MAF: variants seen among roughly 807,000 people sequenced by gnomAD.
MAF encodes transcription factor Maf.
Under a neutral mutation model 22.0 loss-of-function variants are expected in MAF, and 10 were observed. The observed-to-expected ratio is 0.45, with a 90% CI of 0.28 to 0.77. MAF has a LOEUF of 0.77. Among genes scored for constraint, MAF ranks in the 30% least tolerant of loss-of-function variants. MAF has a pLI of 0.12. For missense variants in MAF, 544 were observed against 548.4 expected, an observed-to-expected ratio of 0.99 and a Z score of 0.08; for synonymous variants, 337 against 255.8, an observed-to-expected ratio of 1.32 and a Z score of -3.03.
chr16:79,562,266 C>T, the MAF span, among the ~76,000 whole-genome samples: 1 of 152,196 alleles, frequency 6.6e-6, no homozygotes, highest in Admixed American at 6.5e-5. Context: ...CTCATCTACA[C>T]CAACGAATTG....
the MAF span, among the ~76,000 whole-genome samples, chr16:79,411,797 T>C: frequency 1.3e-5 from 2 of 152,230 alleles, no homozygotes; most frequent in Non-Finnish European, 2.9e-5. Context: ...CACAGAGCTA[T>C]TCCTCTTCCA....
chr16:79,436,154 C>T, the MAF span, among the ~76,000 whole-genome samples: 2 of 152,176 alleles, frequency 1.3e-5, no homozygotes, highest in Non-Finnish European at 2.9e-5. Flanking sequence ...ATGATCTCGG[C>T]TCACTGCAAC....
chr16:79,436,074 T>C, the MAF span, among the ~76,000 whole-genome samples: 1 of 152,188 alleles, frequency 6.6e-6, no homozygotes, highest in Non-Finnish European at 1.5e-5. Flanking sequence ...GAAATGAGAT[T>C]CATTTATTTT....
At chr16:79,428,741 A>G in the MAF span, among the ~76,000 whole-genome samples, 1 of 152,034 alleles carries the variant, frequency 6.6e-6, no homozygotes, top group East Asian at 1.9e-4. Flanking sequence ...GCTACTTGGG[A>G]GGCTGAGGTG....
At chr16:79,315,386 G>A in the MAF span, among the ~76,000 whole-genome samples, 1 of 152,106 alleles carries the variant, frequency 6.6e-6, no homozygotes, top group African/African-American at 2.4e-5. Flanking sequence ...AATGCTAAGA[G>A]AAACTAACAT....
chr16:79,519,171 G>C, the MAF span, among the ~76,000 whole-genome samples: 4 of 152,114 alleles, frequency 2.6e-5, no homozygotes, highest in African/African-American at 9.7e-5. Flanking sequence ...TGTACATGGA[G>C]AACCACAGAG....
At chr16:79,357,791 C>T in the MAF span, among the ~76,000 whole-genome samples, 1 of 152,066 alleles carries the variant, frequency 6.6e-6, no homozygotes, top group Admixed American at 6.6e-5. Flanking sequence ...CACAAAAGAT[C>T]CCATTCTCCT....
chr16:79,486,705 T>A, the MAF span, among the ~76,000 whole-genome samples: 3 of 152,240 alleles, frequency 2.0e-5, no homozygotes, highest in Non-Finnish European at 4.4e-5. Flanking sequence ...AGAGAGAGCA[T>A]AAAATATTTC....
At chr16:79,303,242 T>C in the MAF span, among the ~76,000 whole-genome samples, 1 of 152,236 alleles carries the variant, frequency 6.6e-6, no homozygotes, top group Non-Finnish European at 1.5e-5. Context: ...ACACCTGTCA[T>C]TGTACTGTAT....
the MAF span, among the ~76,000 whole-genome samples, chr16:79,358,054 G>A: frequency 1.3e-5 from 2 of 152,256 alleles, no homozygotes; most frequent in Non-Finnish European, 2.9e-5. Flanking sequence ...GTACCTTGCA[G>A]GGATATGGAA....
At chr16:79,574,470 G>A in the MAF span, among the ~76,000 whole-genome samples, 74,132 of 151,950 alleles carry the variant, frequency 0.49, 19,111 homozygotes, top group Non-Finnish European at 0.57. Flanking sequence ...CATCAACACC[G>A]TTAAAATGAG....
At chr16:79,279,274 C>G in the MAF span, among the ~76,000 whole-genome samples, 253 of 152,220 alleles carry the variant, frequency 1.7e-3, 2 homozygotes, top group Non-Finnish European at 6.0e-4. Context: ...CTGGCTGGGT[C>G]ACTGTGACCT....
the MAF span, among the ~76,000 whole-genome samples, chr16:79,297,669 TAAAC>T: frequency 6.6e-6 from 1 of 152,226 alleles, no homozygotes; most frequent in Non-Finnish European, 1.5e-5. Context: ...GAGCACTCAG[TAAAC>T]ACTACCATTC....
chr16:79,276,380 T>C, the MAF span, among the ~76,000 whole-genome samples: 1 of 151,988 alleles, frequency 6.6e-6, no homozygotes, highest in East Asian at 1.9e-4. Context: ...GTGAAAGGAG[T>C]TAATGTTTAC....
the MAF span, among the ~76,000 whole-genome samples, chr16:79,299,782 C>T: frequency 6.6e-6 from 1 of 152,244 alleles, no homozygotes; most frequent in Non-Finnish European, 1.5e-5. Context: ...CACATGGCCA[C>T]AGTCTCTCTC....
chr16:79,544,916 C>G, the MAF span, among the ~76,000 whole-genome samples: 1 of 152,090 alleles, frequency 6.6e-6, no homozygotes, highest in Non-Finnish European at 1.5e-5. Context: ...TAACGAGGGA[C>G]TGATCCTTAG....
the MAF span, among the ~76,000 whole-genome samples, chr16:79,535,597 T>TTA: frequency 6.7e-6 from 1 of 148,538 alleles, no homozygotes; most frequent in African/African-American, 2.5e-5. Flanking sequence ...TTTTTTTTTT[T>TTA]TTTTTTTCCG....
chr16:79,389,229 C>T, the MAF span, among the ~76,000 whole-genome samples: 1 of 152,164 alleles, frequency 6.6e-6, no homozygotes, highest in African/African-American at 2.4e-5. Context: ...CTTGGAGTCT[C>T]TCCCACTGGC....
At chr16:79,438,154 A>G in the MAF span, among the ~76,000 whole-genome samples, 1 of 152,144 alleles carries the variant, frequency 6.6e-6, no homozygotes, top group Admixed American at 6.6e-5. Flanking sequence ...GGAGGTTCCC[A>G]CATGCCAAGC....
Sources: gnomAD v4.1 joint callset for allele counts (sites outside exome capture counted in the v4.1 genomes callset) on GRCh38, gnomAD v4.1.1 for gene constraint, MANE v1.5 for transcripts, NCBI Gene and HGNC (gene_info 2026-07-23, HGNC 2026-07-21) for gene names.